The following TRPM4 variants were observed in gnomAD, a reference collection of about 807,000 sequenced individuals.
TRPM4 encodes transient receptor potential cation channel subfamily M member 4.
In TRPM4, 124 loss-of-function variants were observed where a neutral mutation model predicts 135.6. The ratio of observed to expected loss-of-function variants is 0.91; its 90% CI spans 0.79 to 1.06. The LOEUF is 1.06. Among genes scored for constraint, TRPM4 ranks in the 50% least tolerant of loss-of-function variants. TRPM4 has a pLI of 0.00. For synonymous variants in TRPM4, 745 were observed against 705.6 expected (o/e 1.06, Z -0.88); for missense variants, 1,658 against 1,671.4 (o/e 0.99, Z 0.14).
chr19:49,192,912 A>G (rs1325506803), intron 16 of TRPM4, among the ~76,000 whole-genome samples: 3 of 152,034 alleles, frequency 2.0e-5, no homozygotes, highest in African/African-American at 7.3e-5. Flanking sequence ...ACCACTGAGA[A>G]AGGTTGATAG....
chr19:49,182,247 T>C (rs1967983219), intron 10 of TRPM4, among the ~76,000 whole-genome samples: 1 of 108,176 alleles, frequency 9.2e-6, no homozygotes, highest in African/African-American at 4.3e-5. Flanking sequence ...TATCCATCCA[T>C]CCATCTGTCC....
chr19:49,161,798 T>C (rs1252962891), intron 2 of TRPM4, among the ~76,000 whole-genome samples: 1 of 152,028 alleles, frequency 6.6e-6, no homozygotes, highest in Non-Finnish European at 1.5e-5. Context: ...CCTGGCTAAT[T>C]TTTGTACTTT....
intron 9 of TRPM4, among the ~76,000 whole-genome samples, chr19:49,174,910 CTT>C (rs889079892): frequency 1.4e-5 from 2 of 143,744 alleles, no homozygotes; most frequent in Non-Finnish European, 3.1e-5. Flanking sequence ...GAACTTTTTT[CTT>C]TTTTTTTTTG....
chr19:49,183,350 C>T, intron 12 of TRPM4, 138 bp downstream of exon 12: 4 of 968,450 alleles, frequency 4.1e-6, no homozygotes, highest in Admixed American at 4.0e-5. Flanking sequence ...TGATATATGC[C>T]TCCAACTGCT....
intron 9 of TRPM4, among the ~76,000 whole-genome samples, chr19:49,175,010 C>A (rs1011746903): frequency 2.0e-5 from 3 of 149,346 alleles, no homozygotes; most frequent in African/African-American, 4.9e-5. Flanking sequence ...CTCAAGAGAT[C>A]CTCTCACCTC....
In TRPM4 at chr19:49,168,320, T is replaced by TA; in HGVS notation, c.510dup (p.Arg171ThrfsTer27). 1 of 1,614,120 alleles carries TA rather than the reference T, an allele frequency of 6.2e-7. No homozygotes were observed. The highest frequency in any genetic ancestry group is 8.5e-7 in the Non-Finnish European group (1 of 1,180,040). The stretch of plus-strand genomic sequence containing the variant: ...ATCGGCCGGCATGTTGGTGTGGCTG[T>TA]ACGGGACCATCAGATGGCCAGCACT... On this transcript the variant is annotated frameshift_variant, in exon 5 of 25. Coordinates refer to ENST00000252826, the MANE Select transcript of TRPM4 (RefSeq NM_017636.4). LOFTEE classifies it high-confidence loss of function.
At chr19:49,182,128 CTGTCCATTCATCCATCCATCCATT>C (rs1276334878) in intron 10 of TRPM4, among the ~76,000 whole-genome samples, 2 of 138,050 alleles carry the variant, frequency 1.4e-5, no homozygotes, top group African/African-American at 5.5e-5. Context: ...ATCCATCCAT[CTGTCCATTCATCCATCCATCCATT>C]CATCTGTCCA....
rs777552228 is a variant in TRPM4, at chr19:49,196,426, C to G, written c.2211-14C>G. The stretch of plus-strand genomic sequence containing the variant: ...AGAGTGAGGCCTCCTCCCTTCTCTT[C>G]TCTTCCCCCACAGGACGGCGGACCC... On this transcript the variant is annotated splice_polypyrimidine_tract_variant and intron_variant, in intron 16 of 24. Transcript: ENST00000252826. The G allele has an allele frequency of 7.8e-6, 12 of 1,530,172 alleles. No individual in the cohort carries two copies. Among genetic ancestry groups the G allele is most frequent in the Middle Eastern group, 3.4e-4 (2 of 5,896 alleles). 94.8% of individuals were successfully genotyped at this position (1,530,172 alleles called of 1,614,324 possible).
chr19:49,204,260 T>A (rs8103409), intron 20 of TRPM4, among the ~76,000 whole-genome samples: 8,967 of 152,288 alleles, frequency 0.059, 779 homozygotes, highest in African/African-American at 0.18. Context: ...TTTATTTCCT[T>A]TGGGTGTGTA....
chr19:49,210,253 A>T lies in TRPM4; in HGVS notation c.3176A>T (p.Lys1059Met), dbSNP rs1969297734. Residue 1059 changes from lysine (K) to methionine (M), a missense_variant, in exon 21 of 25, where the codon AAG becomes ATG. By Grantham distance (95) the Lys-to-Met change is moderately conservative. This residue lies in a region of TRPM4 where 1,412 missense variants were observed against 1,408.7 expected (regional missense o/e 1.00). Transcript: ENST00000252826. The surrounding 1 kb of genome is among the most constrained non-coding windows in gnomAD (Gnocchi z 4.1). ...CAGGGCAACAGCGATCTCTACTGGAAGGCGCAGCGTTACCGCCTCATCCGG... is the reference window on the plus strand; with the variant it reads ...CAGGGCAACAGCGATCTCTACTGGATGGCGCAGCGTTACCGCCTCATCCGG... ...KVQGNSDLYW[K>M]AQRYRLIREF... is the part of the protein sequence containing the mutation. 1 of 1,614,106 alleles carries T rather than the reference A, an allele frequency of 6.2e-7. No homozygotes were observed. The highest frequency in any genetic ancestry group is 1.1e-5 in the South Asian group (1 of 91,090).
chr19:49,207,529 CTGAGGTGGGAGGAA>C (rs148091294), intron 20 of TRPM4, among the ~76,000 whole-genome samples: 8,204 of 148,758 alleles, frequency 0.055, 670 homozygotes, highest in African/African-American at 0.17. Context: ...ACTCAAGAGG[CTGAGGTGGGAGGAA>C]GGCTTGAGCC....
chr19:49,172,236 C>T, intron 9 of TRPM4, 128 bp downstream of exon 9: 1 of 781,962 alleles, frequency 1.3e-6, no homozygotes, highest in Admixed American at 2.1e-5. Context: ...TAATATTTTT[C>T]CCCTTTGGGG....
chr19:49,203,103 G>T (rs140161434), intron 20 of TRPM4, among the ~76,000 whole-genome samples: 1 of 150,654 alleles, frequency 6.6e-6, no homozygotes, highest in South Asian at 2.1e-4. Flanking sequence ...GTGTTAACCC[G>T]GATGGTCTCA....
intron 9 of TRPM4, 90 bp from the exon 10 acceptor site, chr19:49,181,259 G>A: frequency 4.1e-6 from 4 of 971,406 alleles, no homozygotes; most frequent in Non-Finnish European, 5.0e-6. Flanking sequence ...GAGTTTAAAA[G>A]TCAGACATGC....
chr19:49,200,780 T>G lies in TRPM4; in HGVS notation c.2948T>G (p.Met983Arg), dbSNP rs1199751207. 1 of 1,613,814 alleles carries G rather than the reference T, an allele frequency of 6.2e-7. No individual in the cohort carries two copies. Among genetic ancestry groups the G allele is most frequent in the East Asian group, 2.2e-5 (1 of 44,878 alleles). ...TTCGGGCAGATTCCCCAGGAGGACATGGACGGTAGGGGGGATGACGGCCTG... is the reference window on the plus strand; with the variant it reads ...TTCGGGCAGATTCCCCAGGAGGACAGGGACGGTAGGGGGGATGACGGCCTG... The part of the protein sequence containing the change: ...QIFGQIPQED[M>R]DVALMEHSNC... The change falls in exon 19 of 25, where the codon ATG (methionine) becomes AGG (arginine). Residue 983 changes from methionine (M) to arginine (R), a missense_variant. Transcript: ENST00000252826.
At chr19:49,165,622 G>C (rs1191572714) in intron 2 of TRPM4, among the ~76,000 whole-genome samples, 1 of 152,084 alleles carries the variant, frequency 6.6e-6, no homozygotes. Flanking sequence ...GAAGCCGCTC[G>C]CCCAAAGTCA....
In TRPM4 at chr19:49,168,746, C is replaced by A; in HGVS notation, c.796+10C>A. 3 of 1,579,518 alleles carry A rather than the reference C, an allele frequency of 1.9e-6. No homozygotes were observed. Among genetic ancestry groups the A allele is most frequent in the South Asian group, 2.3e-5 (2 of 86,792 alleles). ...AAGACGGGCGTGGGAGGTGAGTGGT[C>A]GAACCCATGACCCACAACCCACGAC... On this transcript the variant is annotated intron_variant, in intron 6 of 24. Coordinates refer to ENST00000252826, the MANE Select transcript of TRPM4 (RefSeq NM_017636.4).
chr19:49,184,299 G>A (rs1968113342), intron 12 of TRPM4, among the ~76,000 whole-genome samples: 1 of 151,580 alleles, frequency 6.6e-6, no homozygotes, highest in African/African-American at 2.4e-5. Context: ...TCCTCAGGCT[G>A]GATAATCTCA....
intron 14 of TRPM4, among the ~76,000 whole-genome samples, chr19:49,189,465 G>A (rs1968328495): frequency 6.6e-6 from 1 of 151,866 alleles, no homozygotes; most frequent in African/African-American, 2.4e-5. Flanking sequence ...GGCATCCACA[G>A]GAAGTCCTTT....
Sources: gnomAD v4.1 joint callset for allele counts (sites outside exome capture counted in the v4.1 genomes callset) on GRCh38, gnomAD v4.1.1 for gene constraint, gnomAD v4.1.1 regional missense constraint, Gnocchi (gnomAD v3.1) non-coding constraint, MANE v1.5 for transcripts, NCBI Gene and HGNC (gene_info 2026-07-23, HGNC 2026-07-21) for gene names.